GRID1: variants seen among roughly 807,000 people sequenced by gnomAD.
GRID1 encodes the protein glutamate receptor ionotropic, delta-1.
Under a neutral mutation model 98.0 loss-of-function variants are expected in GRID1, and 28 were observed. The ratio of observed to expected loss-of-function variants is 0.29; its 90% CI spans 0.21 to 0.39. The LOEUF (loss-of-function observed/expected upper bound fraction) is 0.39. GRID1 is among the 10% of genes least tolerant of loss of function. GRID1 has a pLI of 1.00. For synonymous variants in GRID1, 553 were observed against 538.5 expected, an observed-to-expected ratio of 1.03 and a Z score of -0.37; for missense variants, 1,111 against 1,340.5, an observed-to-expected ratio of 0.83 and a Z score of 2.67.
In GRID1 at chr10:85,916,291, G is replaced by C. The variant is rs1554839898; in HGVS notation, c.727-52C>G. The C allele has an allele frequency of 7.9e-7, 1 of 1,264,068 alleles. No homozygotes were observed. The highest frequency in any genetic ancestry group is 1.2e-6 in the Non-Finnish European group (1 of 861,544). 78.3% of individuals were successfully genotyped at this position (1,264,068 alleles called of 1,614,324 possible). The stretch of plus-strand genomic sequence containing the variant: ...AACAGAAGCAAGACAGAAGCTGGCA[G>C]ACACAGGATGATTGCCGAGACAGAG... On this transcript the variant is annotated intron_variant, in intron 4 of 15. Coordinates refer to ENST00000327946, the MANE Select transcript of GRID1 (RefSeq NM_017551.3). The surrounding 1 kb of genome is among the most constrained non-coding windows in gnomAD (Gnocchi z 4.0).
intron 13 of GRID1, among the ~76,000 whole-genome samples, chr10:85,621,614 T>C (rs1332081542): frequency 6.6e-6 from 1 of 152,088 alleles, no homozygotes; most frequent in African/African-American, 2.4e-5. Context: ...TTGTAAGAAA[T>C]GACACACACC....
rs774402381 is a variant in GRID1, at chr10:85,854,490, G to T, written c.1233+6C>A. On this transcript the variant is annotated splice_donor_region_variant and intron_variant, in intron 8 of 15. Coordinates refer to ENST00000327946, the MANE Select transcript of GRID1 (RefSeq NM_017551.3). ...AAGATTGGAAGACAGGGAGCCTGAG[G>T]CTTACCTTGCGCATGTCTTTGCCAA... 2 of 1,613,508 alleles carry T rather than the reference G, an allele frequency of 1.2e-6. No homozygotes were observed. The highest frequency in any genetic ancestry group is 1.7e-6 in the Non-Finnish European group (2 of 1,179,460).
intron 4 of GRID1, among the ~76,000 whole-genome samples, chr10:86,023,937 A>G (rs1843082720): frequency 6.6e-6 from 1 of 152,160 alleles, no homozygotes; most frequent in Non-Finnish European, 1.5e-5. Flanking sequence ...AATAATCATC[A>G]TCACAGCCAT....
intron 2 of GRID1, among the ~76,000 whole-genome samples, chr10:86,210,480 G>A (rs1418942333): frequency 6.6e-6 from 1 of 152,244 alleles, no homozygotes; most frequent in Non-Finnish European, 1.5e-5. Context: ...ATGCCTCACA[G>A]TGCACAAGAT....
chr10:86,317,170 A>T (rs1168625153), intron 2 of GRID1, among the ~76,000 whole-genome samples: 1 of 152,092 alleles, frequency 6.6e-6, no homozygotes, highest in Non-Finnish European at 1.5e-5. Context: ...ATCTGCTCAG[A>T]GCTTCAGGGC....
chr10:85,877,453 A>G (rs66771357), intron 5 of GRID1, among the ~76,000 whole-genome samples: 52,599 of 152,004 alleles, frequency 0.35, 10,240 homozygotes, highest in African/African-American at 0.53. Context: ...ACCAAAATCC[A>G]CTGTTCTACA....
intron 3 of GRID1, among the ~76,000 whole-genome samples, chr10:86,140,319 C>T (rs1352205087): frequency 6.6e-6 from 1 of 152,248 alleles, no homozygotes; most frequent in Non-Finnish European, 1.5e-5. Context: ...ACGGCCTGGC[C>T]CATGCAGTCA....
chr10:86,037,613 C>G (rs1843284762), intron 4 of GRID1, among the ~76,000 whole-genome samples: 1 of 152,162 alleles, frequency 6.6e-6, no homozygotes, highest in Admixed American at 6.5e-5. Context: ...ACAGAGACAT[C>G]CCTTTCCCCA....
chr10:85,867,201 C>A (rs544065146), intron 6 of GRID1, among the ~76,000 whole-genome samples: 1 of 152,346 alleles, frequency 6.6e-6, no homozygotes, highest in South Asian at 2.1e-4. Context: ...CAGGCCTCAA[C>A]AAGAAGCACT....
At chr10:85,693,428 G>A (rs1841355414) in intron 12 of GRID1, among the ~76,000 whole-genome samples, 1 of 151,990 alleles carries the variant, frequency 6.6e-6, no homozygotes, top group Admixed American at 6.6e-5. Context: ...AGAACATACA[G>A]CACAAAAAGT....
intron 12 of GRID1, among the ~76,000 whole-genome samples, chr10:85,720,994 CT>C (rs1262210279): frequency 6.6e-6 from 1 of 152,002 alleles, no homozygotes; most frequent in African/African-American, 2.4e-5. Flanking sequence ...ATATGAAGAA[CT>C]TTCAAAACTC....
At chr10:86,055,395 T>G (rs566542218) in intron 4 of GRID1, among the ~76,000 whole-genome samples, 1 of 152,126 alleles carries the variant, frequency 6.6e-6, no homozygotes, top group Non-Finnish European at 1.5e-5. Flanking sequence ...TATTTGGAGA[T>G]GTAGCCTGTG....
chr10:85,613,005 C>A, intron 15 of GRID1: 1 of 173,536 alleles, frequency 5.8e-6, no homozygotes, highest in Non-Finnish European at 1.2e-5. Context: ...CGCCCTGTGT[C>A]CCTTGGTGAG....
intron 8 of GRID1, among the ~76,000 whole-genome samples, chr10:85,734,839 C>T (rs1301932141): frequency 2.0e-5 from 3 of 152,072 alleles, no homozygotes; most frequent in African/African-American, 4.8e-5. Context: ...TAGAAAAGCA[C>T]GGTTCACAAG....
chr10:85,967,976 T>A (rs1842359165), intron 4 of GRID1, among the ~76,000 whole-genome samples: 1 of 152,164 alleles, frequency 6.6e-6, no homozygotes, highest in Non-Finnish European at 1.5e-5. Flanking sequence ...TGAGAATGGA[T>A]AAAATTTGTT....
chr10:85,880,875 C>T (rs997523615), intron 5 of GRID1, among the ~76,000 whole-genome samples: 3 of 152,124 alleles, frequency 2.0e-5, no homozygotes, highest in Non-Finnish European at 2.9e-5. Context: ...TAGAAAACAC[C>T]ACTGTCTAAG....
chr10:86,307,325 A>G (rs1847771786), intron 2 of GRID1, among the ~76,000 whole-genome samples: 1 of 152,266 alleles, frequency 6.6e-6, no homozygotes, highest in African/African-American at 2.4e-5. Flanking sequence ...ATGGATAAAG[A>G]AAATGTGGTA....
chr10:86,005,987 C>T (rs980506381), intron 4 of GRID1, among the ~76,000 whole-genome samples: 1 of 152,098 alleles, frequency 6.6e-6, no homozygotes, highest in African/African-American at 2.4e-5. Flanking sequence ...TTCATGAACC[C>T]TAATAAGCTA....
In GRID1 at chr10:85,764,150, G is replaced by A. The variant is rs147009129; in HGVS notation, c.1234-34536C>T. Among the ~76,000 whole-genome samples, 436 of 152,312 alleles carry A rather than the reference G, an allele frequency of 2.9e-3. 1 individual carries two copies. Among genetic ancestry groups the A allele is most frequent in the African/African-American group, 9.7e-3 (403 of 41,572 alleles). ...GTCTTTCCATGAAGAGTGACAGGAG[G>A]TGACCAAAATGCTCAGTAAATCCTT... On this transcript the variant is annotated intron_variant, in intron 8 of 15. Coordinates refer to ENST00000327946, the MANE Select transcript of GRID1 (RefSeq NM_017551.3).
Sources: gnomAD v4.1 joint callset for allele counts (sites outside exome capture counted in the v4.1 genomes callset) on GRCh38, gnomAD v4.1.1 for gene constraint, Gnocchi (gnomAD v3.1) non-coding constraint, MANE v1.5 for transcripts, NCBI Gene and HGNC (gene_info 2026-07-23, HGNC 2026-07-21) for gene names.